Variants in SHISA6 observed in about 807,000 individuals in gnomAD.
SHISA6 encodes the protein shisa family member 6.
In SHISA6, 22 loss-of-function variants were observed where a neutral mutation model predicts 47.9. The ratio of observed to expected loss-of-function variants is 0.46; its 90% CI spans 0.33 to 0.66. SHISA6 has a LOEUF of 0.66. Ranked by LOEUF, SHISA6 falls within the 30% of genes least tolerant of loss-of-function variation. The pLI is 0.02. For missense variants in SHISA6, 680 were observed against 764.6 expected (o/e 0.89, Z 1.30); for synonymous variants, 388 against 337.8 (o/e 1.15, Z -1.63).
chr17:11,466,115 A>G (rs1464007912), intron 3 of SHISA6, among the ~76,000 whole-genome samples: 2 of 152,192 alleles, frequency 1.3e-5, no homozygotes, highest in African/African-American at 2.4e-5. Context: ...AGTGGGGCCC[A>G]GGGTTCAAAA....
intron 3 of SHISA6, among the ~76,000 whole-genome samples, chr17:11,416,416 G>T (rs1914283394): frequency 6.6e-6 from 1 of 152,192 alleles, no homozygotes; most frequent in African/African-American, 2.4e-5. Flanking sequence ...GATGTGAACT[G>T]CAGAACTATT....
At chr17:11,353,391 AG>A (rs1247333430) in intron 2 of SHISA6, among the ~76,000 whole-genome samples, 6 of 150,654 alleles carry the variant, frequency 4.0e-5, no homozygotes, top group Non-Finnish European at 7.4e-5. Flanking sequence ...CAGGAGGCAG[AG>A]GTTGCAGTGA....
intron 1 of SHISA6, among the ~76,000 whole-genome samples, chr17:11,250,307 T>C (rs1191453416): frequency 1.3e-5 from 2 of 152,202 alleles, no homozygotes; most frequent in East Asian, 3.9e-4. Flanking sequence ...TCTGTACTTC[T>C]GCATTCAGAC....
intron 2 of SHISA6, among the ~76,000 whole-genome samples, chr17:11,275,813 G>T (rs952960047): frequency 1.3e-5 from 2 of 152,094 alleles, no homozygotes; most frequent in Non-Finnish European, 2.9e-5. Context: ...CATGTTAAGG[G>T]CTAGAAGTCA....
At chr17:11,330,290 G>A (rs1485459905) in intron 2 of SHISA6, among the ~76,000 whole-genome samples, 1 of 152,114 alleles carries the variant, frequency 6.6e-6, no homozygotes, top group Non-Finnish European at 1.5e-5. Flanking sequence ...CACCTGGACT[G>A]AACAGCATTC....
At chr17:11,434,949 T>A (rs187416430) in intron 3 of SHISA6, among the ~76,000 whole-genome samples, 38 of 152,278 alleles carry the variant, frequency 2.5e-4, no homozygotes, top group Non-Finnish European at 4.6e-4. Context: ...ACTAAATGTA[T>A]CCCCTCAAAA....
chr17:11,429,535 C>T (rs1251892098), intron 3 of SHISA6, among the ~76,000 whole-genome samples: 1 of 151,382 alleles, frequency 6.6e-6, no homozygotes, highest in Non-Finnish European at 1.5e-5. Context: ...AGTCCCAGCA[C>T]TTCGGGAGGC....
At chr17:11,247,873 T>C (rs150430767) in intron 1 of SHISA6, among the ~76,000 whole-genome samples, 4,317 of 151,858 alleles carry the variant, frequency 0.028, 187 homozygotes, top group African/African-American at 0.098. Flanking sequence ...CTCCCTGGTT[T>C]GAGCTATTCT....
chr17:11,412,482 T>G (rs1914148028), intron 3 of SHISA6, among the ~76,000 whole-genome samples: 1 of 152,304 alleles, frequency 6.6e-6, no homozygotes, highest in East Asian at 1.9e-4. Flanking sequence ...AGATTCTGTT[T>G]ACTCTCCTAC....
intron 4 of SHISA6, among the ~76,000 whole-genome samples, chr17:11,552,514 C>T (rs1177588820): frequency 6.6e-6 from 1 of 152,170 alleles, no homozygotes; most frequent in African/African-American, 2.4e-5. Context: ...CAGATCACAG[C>T]TGAACAGAGA....
chr17:11,454,136 G>A (rs897666636), intron 3 of SHISA6, among the ~76,000 whole-genome samples: 1 of 152,146 alleles, frequency 6.6e-6, no homozygotes, highest in Non-Finnish European at 1.5e-5. Flanking sequence ...GATTTTTAAA[G>A]TCAAAACCTG....
chr17:11,249,234 A>G (rs768186160), intron 1 of SHISA6, among the ~76,000 whole-genome samples: 49 of 152,042 alleles, frequency 3.2e-4, no homozygotes, highest in South Asian at 1.5e-3. Flanking sequence ...TACCGGATCA[A>G]TGCAGTTCAG....
At chr17:11,497,610 A>G (rs918770745) in intron 3 of SHISA6, among the ~76,000 whole-genome samples, 3 of 152,214 alleles carry the variant, frequency 2.0e-5, no homozygotes, top group African/African-American at 7.2e-5. Context: ...CATTTGTTCA[A>G]AATCTTTTCC....
intron 1 of SHISA6, among the ~76,000 whole-genome samples, chr17:11,250,908 AT>A (rs1482107099): frequency 6.6e-6 from 1 of 152,120 alleles, no homozygotes; most frequent in East Asian, 1.9e-4. Context: ...AGAGATACTC[AT>A]AAGAGTGCCG....
chr17:11,310,308 G>C (rs914290000), intron 2 of SHISA6, among the ~76,000 whole-genome samples: 1 of 152,174 alleles, frequency 6.6e-6, no homozygotes, highest in African/African-American at 2.4e-5. Context: ...GTCAACCCAA[G>C]GCTGTTGACA....
chr17:11,387,061 G>A (rs894357748), intron 3 of SHISA6, among the ~76,000 whole-genome samples: 27 of 152,202 alleles, frequency 1.8e-4, no homozygotes, highest in Non-Finnish European at 2.6e-4. Flanking sequence ...CCCAGAGCTC[G>A]AACCGGCACA....
At chr17:11,352,852 A>G (rs1911934626) in intron 2 of SHISA6, among the ~76,000 whole-genome samples, 1 of 152,154 alleles carries the variant, frequency 6.6e-6, no homozygotes, top group African/African-American at 2.4e-5. Flanking sequence ...AGTTCTGACC[A>G]TTTCCCAACC....
intron 2 of SHISA6, among the ~76,000 whole-genome samples, chr17:11,350,182 A>ATTTTTTTTTTTATT (rs1911830462): frequency 8.6e-6 from 1 of 116,240 alleles, no homozygotes; most frequent in East Asian, 2.7e-4. Context: ...TTATTTATTT[A>ATTTTTTTTTTTATT]TTTTTTTTTT....
At chr17:11,245,573 T>C (rs553671633) in intron 1 of SHISA6, among the ~76,000 whole-genome samples, 4 of 152,150 alleles carry the variant, frequency 2.6e-5, no homozygotes, top group African/African-American at 9.7e-5. Context: ...TTCATTAGTG[T>C]CTTGGAGATG....
Sources: allele counts gnomAD v4.1 joint callset (sites outside exome capture counted in the v4.1 genomes callset), GRCh38; gene constraint gnomAD v4.1.1; transcripts MANE v1.5; gene names NCBI Gene and HGNC (gene_info 2026-07-23, HGNC 2026-07-21).